DLG2: variants seen among roughly 807,000 people sequenced by gnomAD.
The protein encoded by DLG2 is disks large homolog 2.
Under a neutral mutation model 132.5 loss-of-function variants are expected in DLG2, and 45 were observed. The observed-to-expected ratio is 0.34, with a 90% CI of 0.27 to 0.44. The LOEUF is 0.44. DLG2 is among the 20% of genes least tolerant of loss of function. DLG2 has a pLI of 1.00. For missense variants in DLG2, 1,045 were observed against 1,196.9 expected, an observed-to-expected ratio of 0.87 and a Z score of 1.87; for synonymous variants, 424 against 419.6, an observed-to-expected ratio of 1.01 and a Z score of -0.13.
chr11:84,164,356 G>A (rs1240257904), intron 8 of DLG2, among the ~76,000 whole-genome samples: 1 of 152,100 alleles, frequency 6.6e-6, no homozygotes, highest in African/African-American at 2.4e-5. Context: ...TTCTCAAATC[G>A]GTTGTTTCTT....
At chr11:84,556,988 C>T (rs1021079710) in intron 6 of DLG2, among the ~76,000 whole-genome samples, 17 of 152,086 alleles carry the variant, frequency 1.1e-4, no homozygotes, top group African/African-American at 3.6e-4. Flanking sequence ...GTATCCATCC[C>T]GGGTCATATC....
At chr11:85,095,928 A>G (rs532095658) in intron 6 of DLG2, among the ~76,000 whole-genome samples, 158 of 152,340 alleles carry the variant, frequency 1.0e-3, no homozygotes, top group African/African-American at 3.6e-3. Context: ...AGGTGAAGCC[A>G]GCTGAGCTTC....
At chr11:85,500,584 A>G (rs1360658717) in intron 3 of DLG2, among the ~76,000 whole-genome samples, 1 of 130,508 alleles carries the variant, frequency 7.7e-6, no homozygotes, top group Non-Finnish European at 1.7e-5. Flanking sequence ...AAATAAAGTT[A>G]CAAAATCAAA....
rs1455985661 is a variant in DLG2, at chr11:83,965,386, T to A, written c.1139A>T (p.Lys380Ile). 6.2e-7 allele frequency: 1 copy of A among 1,612,230 alleles called. No homozygotes were observed. Among genetic ancestry groups the A allele is most frequent in the Non-Finnish European group, 8.5e-7 (1 of 1,178,766 alleles). Residue 380 changes from lysine to isoleucine, a missense_variant, in exon 13 of 28, where the codon AAA becomes ATA. Lys to Ile is a moderately radical substitution (Grantham distance 102). This residue lies in a region of DLG2 where 261 missense variants were observed against 256.1 expected (regional missense o/e 1.02). Transcript: ENST00000376104. ...LKNTSEVVYL[K>I]VGKPTTIYMT... ...ATAAATGGTAGTGGGTTTGCCAACT[T>A]TTAAATAAACTACCTCTGATGTGTT...
intron 5 of DLG2, among the ~76,000 whole-genome samples, chr11:85,154,342 A>T (rs2077459284): frequency 6.6e-6 from 1 of 152,216 alleles, no homozygotes; most frequent in Non-Finnish European, 1.5e-5. Flanking sequence ...ACTAAAACAC[A>T]GAACCCAAAA....
intron 7 of DLG2, among the ~76,000 whole-genome samples, chr11:84,302,498 C>G (rs2098167007): frequency 6.6e-6 from 1 of 152,012 alleles, no homozygotes; most frequent in Non-Finnish European, 1.5e-5. Flanking sequence ...AAATGAGACT[C>G]AAGTTTAGCT....
chr11:85,447,928 C>T (rs976956312), intron 3 of DLG2, among the ~76,000 whole-genome samples: 1 of 152,012 alleles, frequency 6.6e-6, no homozygotes, highest in African/African-American at 2.4e-5. Context: ...AAATGTTTTC[C>T]CAAAAGTCTA....
intron 6 of DLG2, among the ~76,000 whole-genome samples, chr11:85,020,157 A>G (rs185246784): frequency 2.0e-3 from 298 of 152,258 alleles, no homozygotes; most frequent in Non-Finnish European, 3.3e-3. Flanking sequence ...AATGATTGCC[A>G]TTCTAACTGG....
At chr11:84,185,427 C>A (rs1182680761) in intron 8 of DLG2, among the ~76,000 whole-genome samples, 2 of 152,076 alleles carry the variant, frequency 1.3e-5, no homozygotes, top group African/African-American at 2.4e-5. Context: ...ATTTTGTATC[C>A]TGAGACTTTG....
chr11:85,295,434 T>G (rs2079154844), intron 3 of DLG2, among the ~76,000 whole-genome samples: 1 of 152,160 alleles, frequency 6.6e-6, no homozygotes, highest in Non-Finnish European at 1.5e-5. Flanking sequence ...TAGTTGTACT[T>G]TGTAAATGTC....
Position 85,518,525 on chromosome 11 carries a change from T to C in DLG2, c.40+80132A>G, listed in dbSNP as rs373642677. On this transcript the variant is annotated intron_variant, in intron 3 of 27. Transcript: ENST00000376104. ...AGCAGCAAAGCATTCAAGAGGTGAC[T>C]TGGGTGCTATTAAAGGCATTCAATT... Among the ~76,000 whole-genome samples, 143 of 152,254 alleles carry C rather than the reference T, an allele frequency of 9.4e-4. 1 individual carries two copies. In the South Asian group the frequency reaches 0.028, roughly 30 times the overall value.
rs962444988 is a variant in DLG2, at chr11:83,939,283, T to A, written c.1341-8800A>T. 2.0e-5 allele frequency among the ~76,000 whole-genome samples: 3 copies of A among 152,300 alleles called. No homozygotes were observed. The East Asian group carries it at 5.8e-4, about 29-fold the overall frequency. On this transcript the variant is annotated intron_variant, in intron 14 of 27. Coordinates refer to ENST00000376104, the MANE Select transcript of DLG2 (RefSeq NM_001142699.3). ...ATGAGTGACCTGGTCCTTATGAGTT[T>A]GGTTTGCTTTTTCAGCAGACCGGTG...
chr11:84,168,512 G>A (rs2095728350), intron 8 of DLG2, among the ~76,000 whole-genome samples: 1 of 152,192 alleles, frequency 6.6e-6, no homozygotes, highest in South Asian at 2.1e-4. Flanking sequence ...GTCACTTCCA[G>A]AGTAAGGTGG....
intron 3 of DLG2, among the ~76,000 whole-genome samples, chr11:85,511,724 C>CTT (rs35942548): frequency 0.013 from 1,906 of 146,364 alleles, 29 homozygotes; most frequent in African/African-American, 0.037. Flanking sequence ...TTTGAAGTTT[C>CTT]TTTTTTTTTT....
chr11:85,044,519 CA>C (rs908187791), intron 6 of DLG2, among the ~76,000 whole-genome samples: 3 of 151,944 alleles, frequency 2.0e-5, no homozygotes, highest in Non-Finnish European at 4.4e-5. Flanking sequence ...TTTCAGGGGT[CA>C]GGGTTTTTTG....
intron 9 of DLG2, among the ~76,000 whole-genome samples, chr11:84,153,786 T>C (rs2095362869): frequency 6.6e-6 from 1 of 152,224 alleles, no homozygotes; most frequent in African/African-American, 2.4e-5. Flanking sequence ...TCTTGTTGTG[T>C]TTCCTTGTCA....
chr11:83,939,830 G>A (rs78843391), intron 14 of DLG2, among the ~76,000 whole-genome samples: 4,941 of 152,172 alleles, frequency 0.032, 131 homozygotes, highest in East Asian at 0.15. Flanking sequence ...CTACAGGGGG[G>A]AACACTCTTA....
Position 83,456,165 on chromosome 11 carries a change from A to C in DLG2, c.*3653T>G, listed in dbSNP as rs2135825408. 1 of 152,842 alleles carries C rather than the reference A, an allele frequency of 6.5e-6. No individual in the cohort carries two copies. The highest frequency in any genetic ancestry group is 2.4e-5 in the African/African-American group (1 of 41,596). 9.5% of individuals were successfully genotyped at this position (152,842 alleles called of 1,614,324 possible). A position where few individuals can be genotyped will look rare whatever the true frequency, so the allele number is the denominator to read the frequency against. ...GGCCAGAGTCTGCCTTTATTGAAAGAAAATGTCCTCAGAGCCATGCGGTAG... is the reference window on the plus strand; with the variant it reads ...GGCCAGAGTCTGCCTTTATTGAAAGCAAATGTCCTCAGAGCCATGCGGTAG... On this transcript the variant is annotated 3_prime_UTR_variant, in exon 28 of 28. Transcript: ENST00000376104.
intron 3 of DLG2, among the ~76,000 whole-genome samples, chr11:85,553,959 G>C (rs1428057038): frequency 1.3e-5 from 2 of 151,154 alleles, no homozygotes; most frequent in African/African-American, 2.4e-5. Flanking sequence ...TATTTAGAAA[G>C]TAACAGCATG....
Sources: allele counts gnomAD v4.1 joint callset (sites outside exome capture counted in the v4.1 genomes callset), GRCh38; gene constraint gnomAD v4.1.1; regional missense constraint gnomAD v4.1.1; transcripts MANE v1.5; gene names NCBI Gene and HGNC (gene_info 2026-07-23, HGNC 2026-07-21).